Variants in TANGO6 observed in about 807,000 individuals in gnomAD.
The protein encoded by TANGO6 is transport and Golgi organization protein 6 homolog.
TANGO6 carries 90 observed loss-of-function variants against 114.2 expected under a neutral mutation model. The observed-to-expected ratio is 0.79, with a 90% CI of 0.66 to 0.94. The LOEUF is 0.94. Ranked by LOEUF, TANGO6 falls within the 40% of genes least tolerant of loss-of-function variation. The pLI, the probability that TANGO6 is intolerant of heterozygous loss-of-function variation, is 0.00. For synonymous variants in TANGO6, 477 were observed against 509.8 expected, an observed-to-expected ratio of 0.94 and a Z score of 0.87; for missense variants, 1,274 against 1,315.3, an observed-to-expected ratio of 0.97 and a Z score of 0.49.
chr16:69,004,226 G>A (rs1419216709), intron 15 of TANGO6, among the ~76,000 whole-genome samples: 2 of 151,962 alleles, frequency 1.3e-5, no homozygotes, highest in Non-Finnish European at 2.9e-5. Flanking sequence ...GTAAATACAC[G>A]TAAACACAGC....
At chr16:68,913,303 G>A (rs1962952050) in intron 11 of TANGO6, among the ~76,000 whole-genome samples, 1 of 151,510 alleles carries the variant, frequency 6.6e-6, no homozygotes, top group Non-Finnish European at 1.5e-5. Context: ...AGGCCAGTCT[G>A]GGCCCTAGTA....
intron 12 of TANGO6, chr16:68,927,027 T>C (rs181482374): frequency 2.2e-3 from 336 of 155,512 alleles, no homozygotes; most frequent in Admixed American, 4.5e-3. Flanking sequence ...TAAAATGTTA[T>C]ATAATTTTCA....
At chr16:68,970,191 A>G (rs932879133) in intron 14 of TANGO6, among the ~76,000 whole-genome samples, 1 of 152,144 alleles carries the variant, frequency 6.6e-6, no homozygotes, top group Non-Finnish European at 1.5e-5. Context: ...AGAGTAAGAA[A>G]GGGATATTTC....
chr16:68,867,002 C>G, intron 3 of TANGO6, 77 bp from the exon 4 acceptor site: 2 of 245,470 alleles, frequency 8.1e-6, no homozygotes, highest in Non-Finnish European at 1.4e-5. Context: ...TTTTTTTTTA[C>G]AGGCATGAGC....
intron 15 of TANGO6, among the ~76,000 whole-genome samples, chr16:68,990,687 A>C (rs529521026): frequency 2.1e-4 from 32 of 152,314 alleles, no homozygotes; most frequent in Non-Finnish European, 3.8e-4. Context: ...GATTATAGGC[A>C]TGAGCCACCA....
chr16:68,876,718 A>T (rs1962367011), intron 5 of TANGO6, among the ~76,000 whole-genome samples: 1 of 152,046 alleles, frequency 6.6e-6, no homozygotes, highest in Non-Finnish European at 1.5e-5. Context: ...CTACTCAGGA[A>T]GCTGAGGATA....
At position 68,907,296 on chromosome 16, in the gene TANGO6, C is replaced by T. The variant is rs74935303; in HGVS notation, c.1668-147C>T. ...CAATACTTTTTTCAGAATGGAGAAA[C>T]AATAAAATAAGTTAAATAAATTTGG... On this transcript the variant is annotated intron_variant, in intron 9 of 17. Coordinates refer to ENST00000261778, the MANE Select transcript of TANGO6 (RefSeq NM_024562.2). 9,382 of 981,410 alleles carry T rather than the reference C, an allele frequency of 9.6e-3. 141 individuals are homozygous for T. The highest frequency in any genetic ancestry group is 0.059 in the African/African-American group (3,556 of 59,838). The allele number at this position is 981,410 out of a possible 1,614,324, so 60.8% of individuals were successfully genotyped here.
intron 6 of TANGO6, among the ~76,000 whole-genome samples, chr16:68,880,316 A>C (rs1962438946): frequency 6.6e-6 from 1 of 152,124 alleles, no homozygotes; most frequent in Non-Finnish European, 1.5e-5. Flanking sequence ...GTAATTGGCA[A>C]CGTTGGTGTT....
intron 15 of TANGO6, among the ~76,000 whole-genome samples, chr16:69,010,243 G>A (rs565738624): frequency 6.6e-4 from 101 of 152,158 alleles, no homozygotes; most frequent in African/African-American, 2.4e-3. Context: ...TATGCTAAAG[G>A]CATTGCAGTA....
chr16:68,943,363 ATT>A (rs1198050231), intron 14 of TANGO6, among the ~76,000 whole-genome samples: 63 of 131,554 alleles, frequency 4.8e-4, no homozygotes, highest in Admixed American at 6.9e-4. Flanking sequence ...GAATCTGAGA[ATT>A]TTTTTTTTTT....
At chr16:69,056,997 C>CT (rs71148961) in intron 17 of TANGO6, among the ~76,000 whole-genome samples, 3,731 of 60,126 alleles carry the variant, frequency 0.062, 758 homozygotes, top group African/African-American at 0.15. Context: ...GCCTGATTTT[C>CT]TTTTTTTTTT....
Position 68,847,214 on chromosome 16 carries a change from G to A in TANGO6, c.94+3503G>A, listed in dbSNP as rs151251568. On this transcript the variant is annotated intron_variant, in intron 1 of 17. Transcript: ENST00000261778. ...CAAAGAGGTAATATATTAAAGATTTGTTGCAATATGAAATCAGAACTCATA... is the reference window on the plus strand; with the variant it reads ...CAAAGAGGTAATATATTAAAGATTTATTGCAATATGAAATCAGAACTCATA... Among the ~76,000 whole-genome samples, 932 of 152,232 alleles carry A rather than the reference G, an allele frequency of 6.1e-3. 5 individuals carry two copies. Among genetic ancestry groups the A allele is most frequent in the Admixed American group, 8.8e-3 (135 of 15,270 alleles).
At chr16:69,061,757 C>A (rs1227918687) in intron 17 of TANGO6, among the ~76,000 whole-genome samples, 3 of 151,544 alleles carry the variant, frequency 2.0e-5, no homozygotes, top group Non-Finnish European at 4.4e-5. Flanking sequence ...CGGTGGCTCA[C>A]GCCTGTAATC....
At chr16:68,942,669 A>AT (rs1963366841) in intron 14 of TANGO6, among the ~76,000 whole-genome samples, 1 of 152,206 alleles carries the variant, frequency 6.6e-6, no homozygotes, top group African/African-American at 2.4e-5. Context: ...TTTTTAGGCC[A>AT]TTAAGATAAA....
At chr16:68,895,279 G>C (rs1468634067) in intron 7 of TANGO6, among the ~76,000 whole-genome samples, 1 of 152,118 alleles carries the variant, frequency 6.6e-6, no homozygotes, top group Non-Finnish European at 1.5e-5. Context: ...AACCCGGAAG[G>C]TGTAGGTTGC....
At chr16:68,995,666 T>C (rs1391899498) in intron 15 of TANGO6, among the ~76,000 whole-genome samples, 1 of 152,194 alleles carries the variant, frequency 6.6e-6, no homozygotes, top group Non-Finnish European at 1.5e-5. Context: ...CCAATTCTGG[T>C]GTTTGCCCAT....
At chr16:68,884,566 A>G (rs1358238580) in intron 7 of TANGO6, among the ~76,000 whole-genome samples, 1 of 152,192 alleles carries the variant, frequency 6.6e-6, no homozygotes, top group East Asian at 1.9e-4. Flanking sequence ...AAGAAATAGC[A>G]TGATGAAAAA....
In TANGO6 at chr16:68,867,113, G is replaced by A. The variant is rs779448801; in HGVS notation, c.887G>A (p.Arg296Gln). Residue 296 changes from arginine to glutamine, a missense_variant, in exon 4 of 18, where the codon CGG becomes CAG. Physicochemically the swap from Arg to Gln is conservative, Grantham distance 43. This residue lies in a region of TANGO6 where 908 missense variants were observed against 910.2 expected (regional missense o/e 1.00). Transcript: ENST00000261778. ...CTDVKTQMRCRAPAWLRRLCG... is the reference protein window; with the variant it reads ...CTDVKTQMRCQAPAWLRRLCG... Reference sequence around the variant, plus strand: ...GATGTGAAGACACAGATGAGGTGTCGGGCCCCAGCTTGGCTTCGGCGTCTA... The same window carrying A: ...GATGTGAAGACACAGATGAGGTGTCAGGCCCCAGCTTGGCTTCGGCGTCTA... 72 of 1,613,214 alleles carry A rather than the reference G, an allele frequency of 4.5e-5. No individual in the cohort carries two copies. The South Asian group carries it at 7.0e-4, about 16-fold the overall frequency.
intron 8 of TANGO6, 72 bp from the exon 9 acceptor site, chr16:68,902,256 C>CT (rs1171133999): frequency 2.1e-6 from 3 of 1,461,574 alleles, no homozygotes; most frequent in Non-Finnish European, 2.8e-6. Flanking sequence ...GCCTTTCTTT[C>CT]TTTTTTTATG....
Sources: allele counts gnomAD v4.1 joint callset (sites outside exome capture counted in the v4.1 genomes callset), GRCh38; gene constraint gnomAD v4.1.1; regional missense constraint gnomAD v4.1.1; transcripts MANE v1.5; gene names NCBI Gene and HGNC (gene_info 2026-07-23, HGNC 2026-07-21).